The following NLGN1 variants were observed in gnomAD, a reference collection of about 807,000 sequenced individuals.
NLGN1 encodes the protein neuroligin-1.
Under a neutral mutation model 65.5 loss-of-function variants are expected in NLGN1, and 12 were observed. That is an observed-to-expected ratio of 0.18 (90% confidence interval 0.12 to 0.30). NLGN1 has a LOEUF of 0.30. NLGN1 is among the 10% of genes least tolerant of loss of function. The pLI is 1.00. For synonymous variants in NLGN1, 350 were observed against 359.5 expected (o/e 0.97, Z 0.30); for missense variants, 750 against 1,007.1 (o/e 0.74, Z 3.46).
At chr3:173,478,160 C>T (rs556657620) in intron 2 of NLGN1, among the ~76,000 whole-genome samples, 6 of 152,146 alleles carry the variant, frequency 3.9e-5, no homozygotes, top group Admixed American at 6.5e-5. Context: ...ACCCAAATGC[C>T]CATAAATGAT....
At chr3:174,256,109 A>T (rs1195629164) in intron 4 of NLGN1, among the ~76,000 whole-genome samples, 1 of 152,244 alleles carries the variant, frequency 6.6e-6, no homozygotes, top group East Asian at 1.9e-4. Context: ...GCAAGAGAGT[A>T]TAGTAATAGA....
exon 7 of NLGN1, chr3:174,281,745 T>C (rs2152896224): frequency 6.4e-6 from 1 of 157,220 alleles, no homozygotes; most frequent in East Asian, 1.9e-4. Flanking sequence ...CATATTTACA[T>C]ATTTGGATAA....
At chr3:173,604,505 G>A (rs1239536850) in exon 3 of NLGN1, 16 of 1,342,078 alleles carry the variant, frequency 1.2e-5, no homozygotes, top group South Asian at 4.2e-5. Context: ...GTAAGAAATC[G>A]GAGGTATATT....
intron 3 of NLGN1, among the ~76,000 whole-genome samples, chr3:173,653,647 A>G (rs1465553131): frequency 6.6e-6 from 1 of 152,174 alleles, no homozygotes; most frequent in African/African-American, 2.4e-5. Context: ...TGATTACAAG[A>G]TAGCTATAAA....
chr3:173,807,724 C>T, exon 4 of NLGN1: 1 of 1,613,630 alleles, frequency 6.2e-7, no homozygotes, highest in South Asian at 1.1e-5. Context: ...GGTGTATATC[C>T]ATGGTGGCTC....
chr3:173,429,128 A>G (rs1010146310), intron 1 of NLGN1, among the ~76,000 whole-genome samples: 5 of 152,086 alleles, frequency 3.3e-5, no homozygotes, highest in African/African-American at 4.8e-5. Context: ...GTCGACGGCT[A>G]TTAGATTTGC....
intron 3 of NLGN1, among the ~76,000 whole-genome samples, chr3:173,658,817 C>T (rs1024964324): frequency 2.0e-5 from 3 of 152,000 alleles, no homozygotes; most frequent in Non-Finnish European, 4.4e-5. Context: ...GCCAAAATAT[C>T]TTTGCATGTT....
intron 3 of NLGN1, among the ~76,000 whole-genome samples, chr3:173,628,700 T>G (rs186042953): frequency 6.6e-6 from 1 of 151,934 alleles, no homozygotes; most frequent in East Asian, 1.9e-4. Context: ...TATGTTATTA[T>G]TATTATTATT....
intron 4 of NLGN1, among the ~76,000 whole-genome samples, chr3:174,043,152 G>C (rs1401651479): frequency 6.6e-6 from 1 of 152,124 alleles, no homozygotes; most frequent in Non-Finnish European, 1.5e-5. Context: ...CCATGATTCA[G>C]TTACCTCCAC....
At chr3:173,415,697 T>C (rs1338437476) in intron 1 of NLGN1, among the ~76,000 whole-genome samples, 1 of 152,136 alleles carries the variant, frequency 6.6e-6, no homozygotes, top group African/African-American at 2.4e-5. Flanking sequence ...TATATGAATA[T>C]AGGATACCAT....
intron 4 of NLGN1, among the ~76,000 whole-genome samples, chr3:173,887,056 A>G (rs996917732): frequency 1.3e-5 from 2 of 152,104 alleles, no homozygotes; most frequent in Admixed American, 1.3e-4. Context: ...AATTTTAAAT[A>G]GTCAGTATTC....
intron 4 of NLGN1, among the ~76,000 whole-genome samples, chr3:173,852,117 G>A (rs1176278978): frequency 2.0e-5 from 3 of 151,742 alleles, no homozygotes; most frequent in Non-Finnish European, 4.4e-5. Context: ...AGCACTTTGG[G>A]AGGCCGAGGC....
intron 4 of NLGN1, among the ~76,000 whole-genome samples, chr3:174,070,057 T>C (rs2152532713): frequency 6.6e-6 from 1 of 152,278 alleles, no homozygotes; most frequent in East Asian, 1.9e-4. Flanking sequence ...AAATATTAGC[T>C]GTCGCTGTTC....
At chr3:173,796,576 GGA>G (rs1714123884) in intron 3 of NLGN1, among the ~76,000 whole-genome samples, 5 of 152,024 alleles carry the variant, frequency 3.3e-5, no homozygotes, top group Admixed American at 6.6e-5. Flanking sequence ...CAAAATGACA[GGA>G]GGTCTACTCT....
intron 4 of NLGN1, among the ~76,000 whole-genome samples, chr3:173,930,647 C>T (rs187674374): frequency 1.1e-3 from 173 of 152,236 alleles, no homozygotes; most frequent in Middle Eastern, 3.4e-3. Flanking sequence ...CCCCAAAATA[C>T]GAATTAAGAA....
In NLGN1 at chr3:173,977,039, G is replaced by A. The variant is rs142833754; in HGVS notation, c.646+169207G>A. ...CTAAGTGCAGCAGATAGAATTGTGA[G>A]CAAATAGTCAAAGTACTTCTTTTAT... On this transcript the variant is annotated intron_variant, in intron 4 of 6. Coordinates refer to ENST00000457714, the Ensembl canonical transcript of NLGN1. Among the ~76,000 whole-genome samples the A allele has an allele frequency of 3.0e-4, 46 of 151,946 alleles. No individual in the cohort carries two copies. In the East Asian group the frequency reaches 7.4e-3, roughly 24 times the overall value.
At chr3:173,570,010 A>G (rs1288595529) in intron 2 of NLGN1, among the ~76,000 whole-genome samples, 1 of 152,228 alleles carries the variant, frequency 6.6e-6, no homozygotes, top group Admixed American at 6.5e-5. Context: ...TCTGTCTCCC[A>G]AAGAACAATT....
At chr3:174,250,945 C>A (rs898735577) in intron 4 of NLGN1, among the ~76,000 whole-genome samples, 1 of 152,028 alleles carries the variant, frequency 6.6e-6, no homozygotes, top group African/African-American at 2.4e-5. Context: ...TATGACTACA[C>A]CAGCTTAGCC....
At chr3:173,533,711 C>T (rs541806371) in intron 2 of NLGN1, among the ~76,000 whole-genome samples, 21 of 152,218 alleles carry the variant, frequency 1.4e-4, no homozygotes, top group South Asian at 4.2e-4. Context: ...GGGCCGGGCT[C>T]GGTGGCACGT....
Sources: allele counts gnomAD v4.1 joint callset (sites outside exome capture counted in the v4.1 genomes callset), GRCh38; gene constraint gnomAD v4.1.1; transcripts MANE v1.5; gene names NCBI Gene and HGNC (gene_info 2026-07-23, HGNC 2026-07-21).